Variants in SLC44A5 observed in about 807,000 individuals in gnomAD.
SLC44A5 encodes the protein choline transporter-like protein 5.
SLC44A5 carries 57 observed loss-of-function variants against 101.8 expected under a neutral mutation model. The observed-to-expected ratio is 0.56, with a 90% CI of 0.45 to 0.70. The LOEUF (loss-of-function observed/expected upper bound fraction) is 0.70. SLC44A5 is among the 30% of genes least tolerant of loss of function. SLC44A5 has a pLI of 0.00. For synonymous variants in SLC44A5, 281 were observed against 290.9 expected, an observed-to-expected ratio of 0.97 and a Z score of 0.35; for missense variants, 737 against 853.1, an observed-to-expected ratio of 0.86 and a Z score of 1.70.
At chr1:75,671,630 A>G in the SLC44A5 span, among the ~76,000 whole-genome samples, 2 of 152,228 alleles carry the variant, frequency 1.3e-5, no homozygotes, top group Non-Finnish European at 1.5e-5. Flanking sequence ...TATTGAATTA[A>G]TGACTGGATC....
chr1:75,629,237 T>C, the SLC44A5 span, among the ~76,000 whole-genome samples: 1 of 152,086 alleles, frequency 6.6e-6, no homozygotes, highest in East Asian at 1.9e-4. Context: ...GAGAGGAGCT[T>C]GGGAGGAAGA....
intron 2 of SLC44A5, among the ~76,000 whole-genome samples, chr1:75,467,221 G>GA (rs1378690773): frequency 1.3e-5 from 2 of 151,920 alleles, no homozygotes; most frequent in Non-Finnish European, 2.9e-5. Flanking sequence ...TTCATATACT[G>GA]AAAGAATCAA....
intron 18 of SLC44A5, among the ~76,000 whole-genome samples, 187 bp from the exon 19 acceptor site, chr1:75,216,044 G>A (rs1381134230): frequency 1.3e-5 from 2 of 151,930 alleles, no homozygotes; most frequent in Non-Finnish European, 2.9e-5. Flanking sequence ...AATTTATAAT[G>A]TTGTACAACC....
In SLC44A5 at chr1:75,300,595, T is replaced by C. The variant is rs1164169026; in HGVS notation, c.175+17A>G. On this transcript the variant is annotated intron_variant, in intron 5 of 23. Transcript: ENST00000370859. The stretch of plus-strand genomic sequence containing the variant: ...ATTAGCAAGTGTTAAATATTTTCTA[T>C]ACCTGTATTTACTCACCCACAAGTC... The C allele has an allele frequency of 6.5e-7, 1 of 1,529,706 alleles. No individual in the cohort carries two copies. 94.8% of individuals were successfully genotyped at this position (1,529,706 alleles called of 1,614,324 possible).
At chr1:75,356,152 G>T (rs1485363230) in intron 3 of SLC44A5, among the ~76,000 whole-genome samples, 1 of 143,602 alleles carries the variant, frequency 7.0e-6, no homozygotes, top group African/African-American at 2.5e-5. Flanking sequence ...GGCACAGGTT[G>T]CAGTGAGCTG....
the SLC44A5 span, among the ~76,000 whole-genome samples, chr1:75,628,549 C>T: frequency 0.28 from 42,239 of 151,900 alleles, 7,060 homozygotes; most frequent in East Asian, 0.81. Context: ...TTTAAGGTTT[C>T]GATATTGGAT....
chr1:75,374,244 C>G (rs913197120), intron 3 of SLC44A5, among the ~76,000 whole-genome samples: 1 of 152,196 alleles, frequency 6.6e-6, no homozygotes. Context: ...AGTCAACACA[C>G]AAGCTGAATA....
At chr1:75,645,227 G>A in the SLC44A5 span, among the ~76,000 whole-genome samples, 1 of 152,142 alleles carries the variant, frequency 6.6e-6, no homozygotes, top group Non-Finnish European at 1.5e-5. Context: ...GGTTGAACTA[G>A]TTTACAGTCC....
intron 1 of SLC44A5, among the ~76,000 whole-genome samples, chr1:75,581,898 C>A (rs1021437306): frequency 1.3e-5 from 2 of 152,232 alleles, no homozygotes; most frequent in African/African-American, 4.8e-5. Context: ...CAGTCTGAGT[C>A]CTCGCCAAAA....
chr1:75,632,058 C>T, the SLC44A5 span, among the ~76,000 whole-genome samples: 1 of 152,156 alleles, frequency 6.6e-6, no homozygotes, highest in East Asian at 1.9e-4. Flanking sequence ...GAGAAGCCAA[C>T]TTTTCCCTTC....
intron 5 of SLC44A5, among the ~76,000 whole-genome samples, chr1:75,277,499 C>G (rs1216573013): frequency 6.6e-6 from 1 of 152,046 alleles, no homozygotes; most frequent in African/African-American, 2.4e-5. Context: ...GTTTTAACCA[C>G]CAAACTAGAA....
chr1:75,337,385 A>T (rs1451804284), intron 4 of SLC44A5, among the ~76,000 whole-genome samples: 3 of 152,212 alleles, frequency 2.0e-5, no homozygotes, highest in African/African-American at 7.2e-5. Flanking sequence ...AGAAGAAAGC[A>T]TACCAATTCT....
the SLC44A5 span, chr1:75,677,635 C>A: frequency 2.7e-6 from 1 of 369,654 alleles, no homozygotes; most frequent in Non-Finnish European, 5.2e-6. Flanking sequence ...CCTTAATTAT[C>A]AATAATAACT....
chr1:75,662,567 A>G, the SLC44A5 span, among the ~76,000 whole-genome samples: 1 of 152,134 alleles, frequency 6.6e-6, no homozygotes, highest in African/African-American at 2.4e-5. Context: ...TATCCCAATT[A>G]CACTGATTTT....
Position 75,541,462 on chromosome 1 carries a change from G to C in SLC44A5, c.-15C>G. 1 of 1,611,814 alleles carries C rather than the reference G, an allele frequency of 6.2e-7. No homozygotes were observed. Among genetic ancestry groups the C allele is most frequent in the Non-Finnish European group, 8.5e-7 (1 of 1,178,564 alleles). The stretch of plus-strand genomic sequence containing the variant: ...GTGTCATTCATTGAGATAAAAGGCT[G>C]TCTCTTCAGAAGTAGGCCTGAATCA... On this transcript the variant is annotated 5_prime_UTR_variant, in exon 2 of 24. Transcript: ENST00000370859.
At chr1:75,500,174 C>T (rs1668880991) in intron 2 of SLC44A5, among the ~76,000 whole-genome samples, 1 of 152,138 alleles carries the variant, frequency 6.6e-6, no homozygotes, top group Non-Finnish European at 1.5e-5. Flanking sequence ...AAATAAACTA[C>T]TATGTTAAAC....
At chr1:75,617,982 T>C in the SLC44A5 span, among the ~76,000 whole-genome samples, 38,797 of 152,182 alleles carry the variant, frequency 0.25, 5,875 homozygotes, top group Non-Finnish European at 0.36. Flanking sequence ...TCCTGTCTTC[T>C]AGGTTTTACA....
Position 75,218,653 on chromosome 1 carries a change from A to C in SLC44A5, c.1366T>G (p.Phe456Val), listed in dbSNP as rs766014451. ...AAGACAAATAAGTTGTATACATGGAAGGTAGGGATGTACTGATGGTACAAG... is the reference window on the plus strand; with the variant it reads ...AAGACAAATAAGTTGTATACATGGACGGTAGGGATGTACTGATGGTACAAG... ...KSLYHQYIPTFHVYNLFVFLW... is the reference protein window; with the variant it reads ...KSLYHQYIPTVHVYNLFVFLW... The change falls in exon 17 of 24, where the codon TTC becomes GTC. Residue 456 changes from phenylalanine (F) to valine (V), a missense_variant. This residue lies in a region of SLC44A5 where 665 missense variants were observed against 764.4 expected (regional missense o/e 0.87). Coordinates refer to ENST00000370859, the MANE Select transcript of SLC44A5 (RefSeq NM_001130058.2). 24 of 1,613,722 alleles carry C rather than the reference A, an allele frequency of 1.5e-5. No individual in the cohort carries two copies. In the Admixed American group the frequency reaches 4.0e-4, roughly 27 times the overall value.
At chr1:75,470,700 G>C (rs747975568) in intron 2 of SLC44A5, among the ~76,000 whole-genome samples, 1 of 150,828 alleles carries the variant, frequency 6.6e-6, no homozygotes, top group Non-Finnish European at 1.5e-5. Flanking sequence ...AGAGGAAATG[G>C]AATGTCCAAG....
Sources: allele counts gnomAD v4.1 joint callset (sites outside exome capture counted in the v4.1 genomes callset), GRCh38; gene constraint gnomAD v4.1.1; regional missense constraint gnomAD v4.1.1; transcripts MANE v1.5; gene names NCBI Gene and HGNC (gene_info 2026-07-23, HGNC 2026-07-21).